The following SPRR2G variants were observed in gnomAD, a reference collection of about 807,000 sequenced individuals.
The protein encoded by SPRR2G is small proline rich protein 2G, also known as small proline-rich protein 2G.
In SPRR2G, 1 loss-of-function variant was observed where a neutral mutation model predicts 0.7. That is an observed-to-expected ratio of 1.49 (90% CI 0.53 to 7.06). The LOEUF (loss-of-function observed/expected upper bound fraction) is 7.06. Ranked by LOEUF, SPRR2G falls within the 30% of genes most tolerant of loss-of-function variation. SPRR2G has a pLI of 0.14. For missense variants in SPRR2G, 96 were observed against 88.5 expected (o/e 1.09, Z -0.34); for synonymous variants, 38 against 33.9 (o/e 1.12, Z -0.42).
At chr1:153,200,476 T>C in the SPRR2G span, among the ~76,000 whole-genome samples, 1 of 152,200 alleles carries the variant, frequency 6.6e-6, no homozygotes, top group Non-Finnish European at 1.5e-5. Flanking sequence ...ATACAGGGCA[T>C]CCCCAGTCTT....
At chr1:153,198,009 C>G in the SPRR2G span, among the ~76,000 whole-genome samples, 1 of 151,972 alleles carries the variant, frequency 6.6e-6, no homozygotes, top group Non-Finnish European at 1.5e-5. Context: ...GAGAGTAGAT[C>G]AGGAAGTAAA....
At chr1:153,179,663 T>C in the SPRR2G span, among the ~76,000 whole-genome samples, 1 of 152,062 alleles carries the variant, frequency 6.6e-6, no homozygotes, top group Admixed American at 6.6e-5. Flanking sequence ...ACCTCCCACA[T>C]ACTACTTCTT....
the SPRR2G span, among the ~76,000 whole-genome samples, chr1:153,157,680 G>T: frequency 2.7e-4 from 41 of 152,150 alleles, no homozygotes; most frequent in African/African-American, 9.9e-4. Context: ...TTTGGTTTGG[G>T]TTGGGTTTGG....
chr1:153,202,038 A>T, the SPRR2G span, among the ~76,000 whole-genome samples: 1 of 152,210 alleles, frequency 6.6e-6, no homozygotes. Context: ...GACTAATACA[A>T]ATTCTTGAGT....
the SPRR2G span, chr1:153,191,057 C>G: frequency 2.6e-5 from 4 of 152,338 alleles, no homozygotes; most frequent in East Asian, 7.7e-4. Flanking sequence ...AGGGGCCACC[C>G]AAGAGTGACA....
chr1:153,173,654 T>C, the SPRR2G span, among the ~76,000 whole-genome samples: 372 of 152,300 alleles, frequency 2.4e-3, 1 homozygote, highest in African/African-American at 8.6e-3. Context: ...GAAATGTGCT[T>C]CCCAGTGACT....
the SPRR2G span, among the ~76,000 whole-genome samples, chr1:153,161,932 A>G: frequency 3.3e-5 from 5 of 152,228 alleles, no homozygotes; most frequent in African/African-American, 1.2e-4. Context: ...ATTAGAAGAC[A>G]GAAAACTGCA....
chr1:153,188,170 G>A, the SPRR2G span, among the ~76,000 whole-genome samples: 1 of 152,302 alleles, frequency 6.6e-6, no homozygotes, highest in South Asian at 2.1e-4. Context: ...TCCCAGTCAG[G>A]AGGCACAGGG....
At chr1:153,183,230 G>A in the SPRR2G span, among the ~76,000 whole-genome samples, 1 of 137,360 alleles carries the variant, frequency 7.3e-6, no homozygotes, top group African/African-American at 2.6e-5. Flanking sequence ...TGGGATTACA[G>A]GCATGCGCCA....
At chr1:153,159,597 C>A in the SPRR2G span, among the ~76,000 whole-genome samples, 1 of 152,162 alleles carries the variant, frequency 6.6e-6, no homozygotes, top group Admixed American at 6.5e-5. Flanking sequence ...GGTACCAATT[C>A]TCTGTATTAG....
the SPRR2G span, among the ~76,000 whole-genome samples, chr1:153,198,873 G>C: frequency 6.6e-6 from 1 of 152,150 alleles, no homozygotes; most frequent in Non-Finnish European, 1.5e-5. Flanking sequence ...TCAGCAGCAA[G>C]GGTGAAAAAT....
At chr1:153,180,464 G>T in the SPRR2G span, among the ~76,000 whole-genome samples, 1 of 152,042 alleles carries the variant, frequency 6.6e-6, no homozygotes, top group African/African-American at 2.4e-5. Flanking sequence ...TCTCATTGCT[G>T]TATGGTATTT....
chr1:153,180,601 A>G, the SPRR2G span, among the ~76,000 whole-genome samples: 1 of 152,194 alleles, frequency 6.6e-6, no homozygotes, highest in Non-Finnish European at 1.5e-5. Context: ...TTTTGTGACT[A>G]TATGTACACA....
the SPRR2G span, among the ~76,000 whole-genome samples, chr1:153,164,584 AGT>A: frequency 6.6e-6 from 1 of 152,220 alleles, no homozygotes; most frequent in Non-Finnish European, 1.5e-5. Context: ...CAGATGCTCA[AGT>A]CCCTTATATA....
rs755859496 is a variant in SPRR2G, at chr1:153,149,853, CTTG to C, written c.*33_*35del. On this transcript the variant is annotated 3_prime_UTR_variant, in exon 2 of 2. Coordinates refer to ENST00000368748, the MANE Select transcript of SPRR2G (RefSeq NM_001014291.4). Reference sequence around the variant, plus strand: ...CTGGGAGTAAGAAGAGCCACTGGATCTTGTTGTTTCATGGTCCTGATGAATTCT... The same window carrying C: ...CTGGGAGTAAGAAGAGCCACTGGATCTTGTTTCATGGTCCTGATGAATTCT... The C allele has an allele frequency of 3.7e-6, 6 of 1,612,164 alleles. No individual in the cohort carries two copies. Among genetic ancestry groups the C allele is most frequent in the Admixed American group, 1.7e-5 (1 of 60,002 alleles).
At chr1:153,197,804 A>G in the SPRR2G span, among the ~76,000 whole-genome samples, 1 of 152,192 alleles carries the variant, frequency 6.6e-6, no homozygotes, top group Non-Finnish European at 1.5e-5. Context: ...AAATATCAAT[A>G]AGGCAAAAAG....
At chr1:153,168,259 T>C in the SPRR2G span, among the ~76,000 whole-genome samples, 7 of 152,230 alleles carry the variant, frequency 4.6e-5, no homozygotes, top group Admixed American at 2.0e-4. Flanking sequence ...CATAGCTTTA[T>C]CTATTTTCAA....
the SPRR2G span, among the ~76,000 whole-genome samples, chr1:153,197,761 G>A: frequency 6.6e-6 from 1 of 152,048 alleles, no homozygotes; most frequent in Non-Finnish European, 1.5e-5. Flanking sequence ...ATGGAAGGTG[G>A]AATTTTCAAA....
At chr1:153,173,500 T>C in the SPRR2G span, among the ~76,000 whole-genome samples, 1 of 152,184 alleles carries the variant, frequency 6.6e-6, no homozygotes, top group Admixed American at 6.5e-5. Flanking sequence ...AAGCACATAT[T>C]GAATGGAAAT....
Sources: gnomAD v4.1 joint callset for allele counts (sites outside exome capture counted in the v4.1 genomes callset) on GRCh38, gnomAD v4.1.1 for gene constraint, MANE v1.5 for transcripts, NCBI Gene and HGNC (gene_info 2026-07-23, HGNC 2026-07-21) for gene names.